Variants in SLC39A11 observed in about 807,000 individuals in gnomAD.
SLC39A11 encodes solute carrier family 39 member 11.
A neutral mutation model predicts 36.1 loss-of-function variants in SLC39A11; 33 were observed. That is an observed-to-expected ratio of 0.91 (90% CI 0.69 to 1.22). The LOEUF (loss-of-function observed/expected upper bound fraction) is 1.22, where lower values mean the gene tolerates loss of function less well. Ranked by LOEUF, SLC39A11 falls within the 50% of genes most tolerant of loss-of-function variation. The probability of loss-of-function intolerance (pLI) is 0.00; values close to 1 mark genes in which losing one functional copy is unlikely to be tolerated. For synonymous variants in SLC39A11, 166 were observed against 170.3 expected (o/e 0.97, Z 0.20); for missense variants, 432 against 430.3 (o/e 1.00, Z -0.03).
At chr17:73,054,231 G>A (rs892256026) in intron 3 of SLC39A11, among the ~76,000 whole-genome samples, 2 of 151,910 alleles carry the variant, frequency 1.3e-5, no homozygotes, top group South Asian at 2.1e-4. Flanking sequence ...GTTTGGTAGC[G>A]CATGCCTGTA....
chr17:72,971,336 A>ACACACT (rs1555657685), intron 4 of SLC39A11, among the ~76,000 whole-genome samples: 5 of 143,496 alleles, frequency 3.5e-5, no homozygotes, highest in African/African-American at 1.3e-4. Context: ...ACACACACAC[A>ACACACT]CTCTCTCTCT....
intron 3 of SLC39A11, among the ~76,000 whole-genome samples, chr17:73,054,360 GAAAAAAAC>G (rs911567856): frequency 1.5e-5 from 2 of 135,794 alleles, no homozygotes; most frequent in Non-Finnish European, 3.2e-5. Context: ...ACTCCATCTC[GAAAAAAAC>G]AAAAAAACAA....
At chr17:72,649,629 T>C (rs28535730) in intron 7 of SLC39A11, among the ~76,000 whole-genome samples, 120 of 145,398 alleles carry the variant, frequency 8.3e-4, no homozygotes, top group African/African-American at 3.1e-3. Context: ...TGTTTCTTTT[T>C]CTTTTTTTCT....
At chr17:73,083,267 C>G (rs769063644) in intron 3 of SLC39A11, among the ~76,000 whole-genome samples, 6 of 152,080 alleles carry the variant, frequency 3.9e-5, no homozygotes. Context: ...GGGAAGAGAA[C>G]GTATGGAAGC....
intron 6 of SLC39A11, among the ~76,000 whole-genome samples, chr17:72,835,932 C>T (rs1178088587): frequency 6.6e-6 from 1 of 152,192 alleles, no homozygotes; most frequent in Non-Finnish European, 1.5e-5. Context: ...AAAGGTTGTG[C>T]TTGTCCTATG....
rs187322339 is a variant in SLC39A11 at position 72,763,457 on chromosome 17, T to C, written c.602-26738A>G. ...ATTCCCTGCAGCAAAGACACCTGTA[T>C]AATTTTGTTTTCCTAATGTATTTGA... On this transcript the variant is annotated intron_variant, in intron 6 of 9. Transcript: ENST00000255559. Among the ~76,000 whole-genome samples, 20 of 152,350 alleles carry C rather than the reference T, an allele frequency of 1.3e-4. No homozygotes were observed. The East Asian group carries it at 3.9e-3, about 29-fold the overall frequency.
chr17:72,900,993 C>A (rs750698303), intron 5 of SLC39A11, among the ~76,000 whole-genome samples: 58 of 150,116 alleles, frequency 3.9e-4, no homozygotes, highest in East Asian at 7.9e-4. Flanking sequence ...AAAAAAAACA[C>A]GAAAAAAAAA....
chr17:73,022,192 C>G (rs2058374893), intron 4 of SLC39A11, among the ~76,000 whole-genome samples: 1 of 152,232 alleles, frequency 6.6e-6, no homozygotes, highest in Admixed American at 6.5e-5. Flanking sequence ...CCCTAGAAAA[C>G]CAAGAGAGCA....
chr17:73,079,537 TTA>T (rs1568239221), intron 3 of SLC39A11, among the ~76,000 whole-genome samples: 2 of 152,038 alleles, frequency 1.3e-5, no homozygotes, highest in Non-Finnish European at 2.9e-5. Flanking sequence ...ACAACCAACA[TTA>T]TACTGAAAGG....
At chr17:72,817,355 AGG>A (rs2077617152) in intron 6 of SLC39A11, among the ~76,000 whole-genome samples, 1 of 28,892 alleles carries the variant, frequency 3.5e-5, no homozygotes, top group African/African-American at 1.3e-4. Flanking sequence ...GGGGAGGGGG[AGG>A]AGGAGGAGGA....
intron 6 of SLC39A11, among the ~76,000 whole-genome samples, chr17:72,826,296 C>T (rs956885237): frequency 6.6e-6 from 1 of 152,170 alleles, no homozygotes; most frequent in African/African-American, 2.4e-5. Flanking sequence ...TCCTCTTCAC[C>T]TTCCACCATG....
At chr17:72,752,926 G>A (rs1331757319) in intron 6 of SLC39A11, among the ~76,000 whole-genome samples, 2 of 152,130 alleles carry the variant, frequency 1.3e-5, no homozygotes, top group Non-Finnish European at 2.9e-5. Context: ...TGCCATCATG[G>A]CTCACTGCAG....
chr17:72,880,561 GGAAAA>G (rs1184264742), intron 5 of SLC39A11, among the ~76,000 whole-genome samples: 1 of 151,854 alleles, frequency 6.6e-6, no homozygotes, highest in Non-Finnish European at 1.5e-5. Context: ...CTCAAAAAAA[GGAAAA>G]GAAAAGAAAA....
At chr17:72,891,470 TC>T (rs2081741445) in intron 5 of SLC39A11, among the ~76,000 whole-genome samples, 1 of 152,090 alleles carries the variant, frequency 6.6e-6, no homozygotes, top group South Asian at 2.1e-4. Context: ...ATCATCCTGT[TC>T]CCCAGCTGCC....
At chr17:72,696,839 C>T (rs2072327575) in intron 7 of SLC39A11, among the ~76,000 whole-genome samples, 1 of 152,136 alleles carries the variant, frequency 6.6e-6, no homozygotes, top group Non-Finnish European at 1.5e-5. Flanking sequence ...GCTATGTGTC[C>T]TGCTCTGTGC....
At chr17:72,973,415 G>A (rs1275574042) in intron 4 of SLC39A11, among the ~76,000 whole-genome samples, 1 of 152,014 alleles carries the variant, frequency 6.6e-6, no homozygotes, top group Non-Finnish European at 1.5e-5. Flanking sequence ...TAGAAGATGA[G>A]AAGGGACAAC....
At chr17:72,920,399 A>G (rs2083590002) in intron 5 of SLC39A11, among the ~76,000 whole-genome samples, 1 of 151,396 alleles carries the variant, frequency 6.6e-6, no homozygotes, top group African/African-American at 2.4e-5. Flanking sequence ...CTTCTTGAAC[A>G]TGCCAGCTCT....
intron 4 of SLC39A11, among the ~76,000 whole-genome samples, chr17:72,984,383 A>G (rs74819475): frequency 0.3 from 46,071 of 151,332 alleles, 7,642 homozygotes; most frequent in East Asian, 0.63. Context: ...ACATTTAAAA[A>G]AAAAAAAAAA....
intron 6 of SLC39A11, among the ~76,000 whole-genome samples, chr17:72,833,831 G>A (rs986034866): frequency 1.3e-5 from 2 of 151,948 alleles, no homozygotes; most frequent in African/African-American, 2.4e-5. Flanking sequence ...GGCACAACTC[G>A]CAACCCACTT....
Sources: allele counts gnomAD v4.1 joint callset (sites outside exome capture counted in the v4.1 genomes callset), GRCh38; gene constraint gnomAD v4.1.1; transcripts MANE v1.5; gene names NCBI Gene and HGNC (gene_info 2026-07-23, HGNC 2026-07-21).